The following PRKN variants were observed in gnomAD, a reference collection of about 807,000 sequenced individuals.
PRKN encodes E3 ubiquitin-protein ligase parkin.
Under a neutral mutation model 59.5 loss-of-function variants are expected in PRKN, and 56 were observed. The observed-to-expected ratio is 0.94, with a 90% confidence interval of 0.76 to 1.18. The LOEUF is 1.18. Ranked by LOEUF, PRKN falls within the 50% of genes most tolerant of loss-of-function variation. The pLI, the probability that PRKN is intolerant of heterozygous loss-of-function variation, is 0.00. For synonymous variants in PRKN, 250 were observed against 222.1 expected (o/e 1.13, Z -1.12); for missense variants, 657 against 596.4 (o/e 1.10, Z -1.06).
chr6:162,520,850 G>T (rs1048419656), intron 1 of PRKN, among the ~76,000 whole-genome samples: 5 of 150,960 alleles, frequency 3.3e-5, no homozygotes, highest in African/African-American at 9.7e-5. Context: ...AATGACTTTC[G>T]CTAAGCAAAT....
In PRKN at chr6:161,354,056, AC is replaced by A. The variant is rs1784661981; in HGVS notation, c.1286-3846del. Among the ~76,000 whole-genome samples, 1 of 152,268 alleles carries A rather than the reference AC, an allele frequency of 6.6e-6. No individual in the cohort carries two copies. The highest frequency in any genetic ancestry group is 6.5e-5 in the Admixed American group (1 of 15,294). On this transcript the variant is annotated intron_variant, in intron 11 of 11. Coordinates refer to ENST00000366898, the MANE Select transcript of PRKN (RefSeq NM_004562.3). This position sits in a 1 kb window ranked among gnomAD's most constrained non-coding sequence, Gnocchi z 6.7. ...ACCAAGCATTTAATGAATCTGGGAT[AC>A]TAGCATTGTAAATGATATCTTGGTA...
At chr6:162,224,840 C>G (rs912047036) in intron 3 of PRKN, among the ~76,000 whole-genome samples, 1 of 152,120 alleles carries the variant, frequency 6.6e-6, no homozygotes, top group Non-Finnish European at 1.5e-5. Context: ...TTGCTCTGAG[C>G]TGCTATAAGA....
At chr6:162,502,092 T>A (rs1488506326) in intron 1 of PRKN, among the ~76,000 whole-genome samples, 5 of 152,196 alleles carry the variant, frequency 3.3e-5, no homozygotes, top group Non-Finnish European at 7.4e-5. Flanking sequence ...TTAAAATATA[T>A]GTACACTTCC....
chr6:161,567,685 A>G (rs2115475724), intron 8 of PRKN, among the ~76,000 whole-genome samples: 1 of 152,314 alleles, frequency 6.6e-6, no homozygotes, highest in Non-Finnish European at 1.5e-5. Flanking sequence ...GCTCAATTAA[A>G]TTTCTAGGAG....
intron 7 of PRKN, among the ~76,000 whole-genome samples, chr6:161,671,893 T>G (rs377165396): frequency 6.6e-5 from 10 of 152,190 alleles, no homozygotes; most frequent in African/African-American, 2.4e-4. Context: ...CATTTTTTGG[T>G]CTCAGTCAGA....
Position 161,429,086 on chromosome 6 carries a change from G to T in PRKN, c.1084-42209C>A, listed in dbSNP as rs573136049. On this transcript the variant is annotated intron_variant, in intron 9 of 11. Coordinates refer to ENST00000366898, the MANE Select transcript of PRKN (RefSeq NM_004562.3). The surrounding 1 kb of genome is among the most constrained non-coding windows in gnomAD (Gnocchi z 4.2). Reference sequence around the variant, plus strand: ...CTCTTAGACAGGACACCTGCAGATGGCACCTTTGCTAACCTTGATTGTGCC... The same window carrying T: ...CTCTTAGACAGGACACCTGCAGATGTCACCTTTGCTAACCTTGATTGTGCC... Among the ~76,000 whole-genome samples, 203 of 152,294 alleles carry T rather than the reference G, an allele frequency of 1.3e-3. No homozygotes were observed. The highest frequency in any genetic ancestry group is 2.6e-3 in the Non-Finnish European group (174 of 68,016).
chr6:161,901,860 G>A (rs1746921374), intron 6 of PRKN, among the ~76,000 whole-genome samples: 1 of 152,160 alleles, frequency 6.6e-6, no homozygotes, highest in South Asian at 2.1e-4. Flanking sequence ...AGGGTCCTCT[G>A]ACCCTGCTGC....
intron 2 of PRKN, among the ~76,000 whole-genome samples, chr6:162,323,912 T>C (rs1051465217): frequency 1.3e-5 from 2 of 152,112 alleles, no homozygotes; most frequent in Non-Finnish European, 2.9e-5. Context: ...AAAGCATATG[T>C]CTATTCAATA....
intron 4 of PRKN, among the ~76,000 whole-genome samples, chr6:162,111,444 A>G (rs538330361): frequency 4.0e-5 from 6 of 151,264 alleles, no homozygotes; most frequent in East Asian, 1.9e-4. Flanking sequence ...CAGCCTGGGC[A>G]ACAGAGTGAG....
At chr6:161,745,609 C>A (rs1788381677) in intron 7 of PRKN, among the ~76,000 whole-genome samples, 1 of 152,076 alleles carries the variant, frequency 6.6e-6, no homozygotes, top group Non-Finnish European at 1.5e-5. Context: ...CCAGTTGACC[C>A]CTAAGGACAG....
chr6:161,939,769 A>G (rs1282658673), intron 6 of PRKN, among the ~76,000 whole-genome samples: 2 of 152,154 alleles, frequency 1.3e-5, no homozygotes, highest in Non-Finnish European at 2.9e-5. Context: ...GATGTTAAAA[A>G]CAATTTCAAA....
intron 6 of PRKN, among the ~76,000 whole-genome samples, chr6:161,950,099 G>A (rs1485095340): frequency 2.0e-5 from 3 of 152,218 alleles, no homozygotes; most frequent in East Asian, 1.9e-4. Flanking sequence ...GTAAGAAGAA[G>A]CCAACAGTGG....
At chr6:161,614,495 T>C (rs561860906) in intron 7 of PRKN, among the ~76,000 whole-genome samples, 2 of 152,346 alleles carry the variant, frequency 1.3e-5, no homozygotes, top group South Asian at 4.1e-4. Flanking sequence ...TGCAAATGTA[T>C]GCCATCAGAA....
At chr6:161,894,436 C>CA (rs1324896002) in intron 6 of PRKN, among the ~76,000 whole-genome samples, 1 of 152,186 alleles carries the variant, frequency 6.6e-6, no homozygotes, top group Non-Finnish European at 1.5e-5. Context: ...AGCAGTTTTC[C>CA]ATTCCCTTCT....
At chr6:161,613,971 C>T (rs1782595375) in intron 7 of PRKN, among the ~76,000 whole-genome samples, 1 of 152,194 alleles carries the variant, frequency 6.6e-6, no homozygotes, top group Admixed American at 6.5e-5. Flanking sequence ...TGCTTTCAAG[C>T]TCATTCAAGT....
At chr6:161,730,419 T>C (rs1787642916) in intron 7 of PRKN, among the ~76,000 whole-genome samples, 1 of 151,146 alleles carries the variant, frequency 6.6e-6, no homozygotes, top group African/African-American at 2.5e-5. Flanking sequence ...GCATTCTTTC[T>C]GATATGTTGC....
At chr6:161,603,107 C>T (rs1278197271) in intron 7 of PRKN, among the ~76,000 whole-genome samples, 7 of 152,140 alleles carry the variant, frequency 4.6e-5, no homozygotes, top group Admixed American at 4.6e-4. Flanking sequence ...AGGGTTGGAT[C>T]CACATTCATA....
intron 7 of PRKN, among the ~76,000 whole-genome samples, chr6:161,719,269 A>G (rs1176011354): frequency 6.6e-6 from 1 of 151,698 alleles, no homozygotes; most frequent in African/African-American, 2.4e-5. Context: ...GAGTTGCAGG[A>G]GAAATAAAGA....
chr6:162,611,989 T>C (rs1199167495), intron 1 of PRKN, among the ~76,000 whole-genome samples: 5 of 150,632 alleles, frequency 3.3e-5, no homozygotes, highest in Admixed American at 1.3e-4. Flanking sequence ...ATCGAGACCA[T>C]CCTGGCTAAC....
Sources: gnomAD v4.1 joint callset for allele counts (sites outside exome capture counted in the v4.1 genomes callset) on GRCh38, gnomAD v4.1.1 for gene constraint, Gnocchi (gnomAD v3.1) non-coding constraint, MANE v1.5 for transcripts, NCBI Gene and HGNC (gene_info 2026-07-23, HGNC 2026-07-21) for gene names.